LRRC43: variants seen among roughly 807,000 people sequenced by gnomAD.
LRRC43 encodes leucine-rich repeat-containing protein 43.
LRRC43 carries 62 observed loss-of-function variants against 64.3 expected under a neutral mutation model. That is an observed-to-expected ratio of 0.96 (90% CI 0.79 to 1.19). LRRC43 has a LOEUF of 1.19. Among genes scored for constraint, LRRC43 ranks in the 50% most tolerant of loss-of-function variants. The pLI, the probability that LRRC43 is intolerant of heterozygous loss-of-function variation, is 0.00. For synonymous variants in LRRC43, 422 were observed against 382.3 expected (o/e 1.10, Z -1.21); for missense variants, 868 against 845.0 (o/e 1.03, Z -0.34).
In LRRC43 at chr12:122,174,273, A is replaced by G. The variant is rs548896995; in HGVS notation, c.-406+6491A>G. On this transcript the variant is annotated intron_variant, in intron 1 of 5. Transcript: ENST00000537729. ...ATAAAGGGCCAGGGTGAGGAGAAAG[A>G]GCAGTCAGCGTCCCGCCCATGGCAA... 1.5e-5 allele frequency: 21 copies of G among 1,400,894 alleles called. No homozygotes were observed. In the Admixed American group the frequency reaches 2.0e-4, roughly 13 times the overall value. 86.8% of individuals were successfully genotyped at this position (1,400,894 alleles called of 1,614,324 possible).
Position 122,193,120 on chromosome 12 carries a change from T to C in LRRC43, c.1349+116T>C, listed in dbSNP as rs190082169. The C allele has an allele frequency of 3.5e-4, 383 of 1,096,726 alleles. 1 individual carries two copies. The highest frequency in any genetic ancestry group is 7.5e-4 in the Admixed American group (29 of 38,816). The allele number at this position is 1,096,726 out of a possible 1,614,324, so 67.9% of individuals were successfully genotyped here. On this transcript the variant is annotated intron_variant, in intron 7 of 11. Transcript: ENST00000339777. ...GGCTGGCGGGGCGCGGTGGCTCACGTCTGTAATCCCGGCACTTTGGGAGGC... is the reference window on the plus strand; with the variant it reads ...GGCTGGCGGGGCGCGGTGGCTCACGCCTGTAATCCCGGCACTTTGGGAGGC...
At chr12:122,171,798 G>A (rs1202080703) in intron 1 of LRRC43, among the ~76,000 whole-genome samples, 1 of 151,984 alleles carries the variant, frequency 6.6e-6, no homozygotes, top group Non-Finnish European at 1.5e-5. Context: ...GGAACTCCTG[G>A]GCTCAAGTGA....
upstream of LRRC43, chr12:122,183,021 T>C: frequency 1.4e-6 from 2 of 1,384,106 alleles, no homozygotes; most frequent in South Asian, 3.1e-5. Context: ...AAAACGCAGG[T>C]GGTTGGGGCC....
intron 11 of LRRC43, among the ~76,000 whole-genome samples, chr12:122,201,636 T>C (rs1204093486): frequency 1.3e-5 from 2 of 152,200 alleles, no homozygotes; most frequent in African/African-American, 4.8e-5. Flanking sequence ...CTTCAGGCCA[T>C]CGGCCCTTAT....
intron 1 of LRRC43, among the ~76,000 whole-genome samples, chr12:122,168,662 TCC>T (rs1953460368): frequency 6.6e-6 from 1 of 152,134 alleles, no homozygotes; most frequent in Non-Finnish European, 1.5e-5. Context: ...TCACCCAGCT[TCC>T]CCTAAGTGGG....
rs79734505 is a variant in LRRC43, at chr12:122,186,393, G to A, written c.522+93G>A. The A allele has an allele frequency of 1.2e-3, 907 of 774,220 alleles. 7 individuals carry two copies. The African/African-American group carries it at 0.013, about 11-fold the overall frequency. The allele number at this position is 774,220 out of a possible 1,614,324, so 48.0% of individuals were successfully genotyped here. A position where few individuals can be genotyped will look rare whatever the true frequency, so the allele number is the denominator to read the frequency against. On this transcript the variant is annotated intron_variant, in intron 3 of 11. Coordinates refer to ENST00000339777, the MANE Select transcript of LRRC43 (RefSeq NM_001098519.2). Reference sequence around the variant, plus strand: ...CCCACATAGTGTGGCCAGCATGGGTGGAGGGTAAGGCCCAGCTCCAGGCTT... The same window carrying A: ...CCCACATAGTGTGGCCAGCATGGGTAGAGGGTAAGGCCCAGCTCCAGGCTT...
At chr12:122,187,410 A>T in intron 3 of LRRC43, 1 of 301,176 alleles carries the variant, frequency 3.3e-6, no homozygotes, top group Non-Finnish European at 6.2e-6. Context: ...ACGCATTCCT[A>T]TGGGTTGAGA....
At position 122,201,567 on chromosome 12, in the gene LRRC43, C is replaced by A. The variant is rs543226362; in HGVS notation, c.1843+238C>A. Reference sequence around the variant, plus strand: ...CACCTGTGGTAGAGCCATAGCGGGGCAAGAGCTTGGAGCTGGGGCTGCCTG... The same window carrying A: ...CACCTGTGGTAGAGCCATAGCGGGGAAAGAGCTTGGAGCTGGGGCTGCCTG... On this transcript the variant is annotated intron_variant, in intron 11 of 11. Transcript: ENST00000339777. Among the ~76,000 whole-genome samples, 18 of 152,338 alleles carry A rather than the reference C, an allele frequency of 1.2e-4. No individual in the cohort carries two copies. In the South Asian group the frequency reaches 3.7e-3, roughly 32 times the overall value.
chr12:122,190,509 C>T (rs920879741), intron 5 of LRRC43, 141 bp downstream of exon 5: 4 of 653,928 alleles, frequency 6.1e-6, no homozygotes, highest in African/African-American at 5.4e-5. Flanking sequence ...TATAGCCTCT[C>T]TTCTGGGTCA....
At chr12:122,177,518 T>TGTGTGTGTG (rs1953547315) in intron 1 of LRRC43, among the ~76,000 whole-genome samples, 2 of 138,022 alleles carry the variant, frequency 1.4e-5, no homozygotes, top group African/African-American at 2.6e-5. Context: ...TGTGTGTGTG[T>TGTGTGTGTG]TTAATAGAAA....
At position 122,184,424 on chromosome 12, in the gene LRRC43, A is replaced by ATCG; in HGVS notation, c.151-92_151-90dup. The ATCG allele has an allele frequency of 1.4e-6, 2 of 1,452,170 alleles. No homozygotes were observed. The highest frequency in any genetic ancestry group is 1.9e-6 in the Non-Finnish European group (2 of 1,078,716). 90.0% of individuals were successfully genotyped at this position (1,452,170 alleles called of 1,614,324 possible). The stretch of plus-strand genomic sequence containing the variant: ...TCTAGATTTCTAAACTCTATCCCTA[A>ATCG]TCGTCCAGTTTTATGATCTGTTCTG... On this transcript the variant is annotated intron_variant, in intron 1 of 11. Transcript: ENST00000339777. The surrounding 1 kb of genome is among the most constrained non-coding windows in gnomAD (Gnocchi z 4.0).
rs369444866 is a variant in LRRC43 at position 122,200,346 on chromosome 12, C to T, written c.1491+16C>T. The T allele has an allele frequency of 4.0e-5, 64 of 1,608,796 alleles. No individual in the cohort carries two copies. The highest frequency in any genetic ancestry group is 5.3e-5 in the Non-Finnish European group (63 of 1,179,306). On this transcript the variant is annotated intron_variant, in intron 8 of 11. Coordinates refer to ENST00000339777, the MANE Select transcript of LRRC43 (RefSeq NM_001098519.2). This position sits in a 1 kb window ranked among gnomAD's most constrained non-coding sequence, Gnocchi z 4.6. ...GGAGGAGAAGGTGGGCAGGCGGAGG[C>T]AGTGCCCGGCCATCCACAGGCTGCA...
chr12:122,184,671 G>A lies in LRRC43; in HGVS notation c.303G>A (p.Ser101=), dbSNP rs1213597102. ...RHSPWALLNN[S]NAEDSFLREL... ...CCCCCTGGGCTCTGCTGAACAACTCGAATGCAGAAGACAGTTTCCTGAGAG... is the reference window on the plus strand; with the variant it reads ...CCCCCTGGGCTCTGCTGAACAACTCAAATGCAGAAGACAGTTTCCTGAGAG... The change falls in exon 2 of 12, where the codon TCG becomes TCA. Residue 101 remains serine, a synonymous_variant. Transcript: ENST00000339777. The surrounding 1 kb of genome is among the most constrained non-coding windows in gnomAD (Gnocchi z 4.0). 34 of 1,613,860 alleles carry A rather than the reference G, an allele frequency of 2.1e-5. No homozygotes were observed. The highest frequency in any genetic ancestry group is 1.0e-4 in the Admixed American group (6 of 60,002).
chr12:122,189,123 A>G (rs1279162301), intron 4 of LRRC43, among the ~76,000 whole-genome samples: 1 of 152,076 alleles, frequency 6.6e-6, no homozygotes, highest in African/African-American at 2.4e-5. Flanking sequence ...AACATCCTGG[A>G]CCTGAGGGGT....
Position 122,200,142 on chromosome 12 carries a change from C to A in LRRC43, c.1350-47C>A, listed in dbSNP as rs959295706. ...CAGTCCTGTCCCGGGTCCCTGGCCA[C>A]AGCCCCTGGGTGACGGCACCCCCGT... On this transcript the variant is annotated intron_variant, in intron 7 of 11. Coordinates refer to ENST00000339777, the MANE Select transcript of LRRC43 (RefSeq NM_001098519.2). The surrounding 1 kb of genome is among the most constrained non-coding windows in gnomAD (Gnocchi z 4.6). The A allele has an allele frequency of 1.3e-6, 2 of 1,594,972 alleles. No homozygotes were observed. Among genetic ancestry groups the A allele is most frequent in the Admixed American group, 1.7e-5 (1 of 57,492 alleles).
rs200229491 is a variant in LRRC43 at position 122,184,549 on chromosome 12, C to T, written c.181C>T (p.Arg61Ter). The change falls in exon 2 of 12, where the codon CGA becomes TGA. Residue 61 changes from arginine (R) to a stop codon, truncating the protein, a stop_gained. Transcript: ENST00000339777. LOFTEE classifies it high-confidence loss of function. The surrounding 1 kb of genome is among the most constrained non-coding windows in gnomAD (Gnocchi z 4.0). ...NKSRFLPQTW[R>*]TWRELVPREE... ...GTCGCGCTTTCTTCCTCAAACTTGG[C>T]GAACTTGGAGGGAGCTTGTCCCCAG... The T allele has an allele frequency of 3.8e-5, 61 of 1,613,438 alleles. No homozygotes were observed. The highest frequency in any genetic ancestry group is 1.8e-4 in the Admixed American group (11 of 59,932).
At chr12:122,193,366 C>T (rs567513067) in intron 7 of LRRC43, among the ~76,000 whole-genome samples, 2 of 119,274 alleles carry the variant, frequency 1.7e-5, no homozygotes, top group Non-Finnish European at 3.2e-5. Flanking sequence ...GGCGACAGAG[C>T]GAGACTCCGT....
chr12:122,173,858 T>G, intron 1 of LRRC43: 1 of 1,613,792 alleles, frequency 6.2e-7, no homozygotes, highest in Non-Finnish European at 8.5e-7. Flanking sequence ...TTCAAAAGCA[T>G]CTTCGAGAGG....
In LRRC43 at chr12:122,184,094, GAT is replaced by G. The variant is rs1953612595; in HGVS notation, c.151-424_151-423del. ...AAAATTATTGATTATTCACTGTCTA[GAT>G]TTTTTTTTTTTTTTTTGAGACGGAG... On this transcript the variant is annotated intron_variant, in intron 1 of 11. Coordinates refer to ENST00000339777, the MANE Select transcript of LRRC43 (RefSeq NM_001098519.2). This position sits in a 1 kb window ranked among gnomAD's most constrained non-coding sequence, Gnocchi z 4.0. Among the ~76,000 whole-genome samples the G allele has an allele frequency of 8.7e-6, 1 of 114,614 alleles. No individual in the cohort carries two copies. The highest frequency in any genetic ancestry group is 1.7e-5 in the Non-Finnish European group (1 of 57,388). 75.2% of individuals were successfully genotyped at this position (114,614 alleles called of 152,430 possible).
Sources: allele counts gnomAD v4.1 joint callset (sites outside exome capture counted in the v4.1 genomes callset), GRCh38; gene constraint gnomAD v4.1.1; non-coding constraint Gnocchi (gnomAD v3.1); transcripts MANE v1.5; gene names NCBI Gene and HGNC (gene_info 2026-07-23, HGNC 2026-07-21).